PDK2: variants seen among roughly 807,000 people sequenced by gnomAD.
The protein encoded by PDK2 is pyruvate dehydrogenase kinase 2.
PDK2 carries 34 observed loss-of-function variants against 50.4 expected under a neutral mutation model. That is an observed-to-expected ratio of 0.68 (90% CI 0.51 to 0.90). PDK2 has a LOEUF of 0.90. PDK2 is among the 40% of genes least tolerant of loss of function. The probability of loss-of-function intolerance (pLI) is 0.00; values close to 1 mark genes in which losing one functional copy is unlikely to be tolerated. For missense variants in PDK2, 377 were observed against 544.5 expected, an observed-to-expected ratio of 0.69 and a Z score of 3.06; for synonymous variants, 232 against 216.0, an observed-to-expected ratio of 1.07 and a Z score of -0.65.
intron 4 of PDK2, 190 bp downstream of exon 4, chr17:50,106,259 T>C: frequency 7.1e-7 from 1 of 1,403,626 alleles, no homozygotes; most frequent in South Asian, 1.6e-5. Context: ...CTCATTGATT[T>C]TCCATTTCAA....
rs144493498 is a variant in PDK2 at position 50,097,720 on chromosome 17, G to A, written c.260+156G>A. The A allele has an allele frequency of 1.2e-3, 901 of 771,234 alleles. 1 individual carries two copies. The highest frequency in any genetic ancestry group is 1.8e-3 in the Admixed American group (68 of 37,250). 47.8% of individuals were successfully genotyped at this position (771,234 alleles called of 1,614,324 possible). On this transcript the variant is annotated intron_variant, in intron 2 of 10. Transcript: ENST00000503176. ...AGCGCTTGGAGTTGCCTAGGGTCACGTGGGAATCTGAGGCCAGAGCAGGAC... is the reference window on the plus strand; with the variant it reads ...AGCGCTTGGAGTTGCCTAGGGTCACATGGGAATCTGAGGCCAGAGCAGGAC...
upstream of PDK2, among the ~76,000 whole-genome samples, chr17:50,095,059 A>G (rs1345230309): frequency 6.6e-6 from 1 of 152,246 alleles, no homozygotes; most frequent in Non-Finnish European, 1.5e-5. Context: ...AGAGGAAGCG[A>G]AAGGGCTGGC....
intron 3 of PDK2, 79 bp from the exon 4 acceptor site, chr17:50,105,806 G>A: frequency 1.3e-6 from 2 of 1,530,254 alleles, no homozygotes; most frequent in South Asian, 1.3e-5. Context: ...TAGAGCGGGT[G>A]AAGACACCGT....
At chr17:50,097,672 A>G in intron 2 of PDK2, 108 bp downstream of exon 2, 1 of 1,320,716 alleles carries the variant, frequency 7.6e-7, no homozygotes, top group East Asian at 2.4e-5. Context: ...GGGTGGGGAC[A>G]GACAGGAGAC....
At chr17:50,105,782 C>T (rs1910475752) in intron 3 of PDK2, 103 bp from the exon 4 acceptor site, 13 of 1,442,876 alleles carry the variant, frequency 9.0e-6, no homozygotes, top group East Asian at 4.9e-5. Context: ...GGGAGTCCAT[C>T]GGATTGGGAA....
chr17:50,102,259 T>C (rs1165980773), intron 2 of PDK2, among the ~76,000 whole-genome samples: 1 of 152,196 alleles, frequency 6.6e-6, no homozygotes, highest in Admixed American at 6.5e-5. Flanking sequence ...GGAGGAGCCC[T>C]GGCCCTGTGA....
intron 1 of PDK2, 177 bp downstream of exon 1, chr17:50,095,730 C>T: frequency 1.4e-6 from 2 of 1,421,404 alleles, no homozygotes; most frequent in Non-Finnish European, 1.8e-6. Context: ...GGCCTCTCGA[C>T]GGGGCTGCTG....
chr17:50,105,223 A>C, intron 2 of PDK2, 148 bp from the exon 3 acceptor site: 2 of 507,178 alleles, frequency 3.9e-6, no homozygotes, highest in East Asian at 6.8e-5. Context: ...AATGAAATGG[A>C]TGGAGAAAAA....
chr17:50,110,204 G>C lies in PDK2; in HGVS notation c.*107G>C. On this transcript the variant is annotated 3_prime_UTR_variant, in exon 11 of 11. Coordinates refer to ENST00000503176, the MANE Select transcript of PDK2 (RefSeq NM_002611.5). ...GGGGAGCAGGGGGTGGGTTCTCCCT[G>C]ATGACCAGGTTCTGTCTCTATGGAA... 2 of 1,249,120 alleles carry C rather than the reference G, an allele frequency of 1.6e-6. No individual in the cohort carries two copies. The highest frequency in any genetic ancestry group is 2.5e-5 in the Admixed American group (1 of 40,296). The allele number at this position is 1,249,120 out of a possible 1,614,324, so 77.4% of individuals were successfully genotyped here. A position where few individuals can be genotyped will look rare whatever the true frequency, so the allele number is the denominator to read the frequency against.
Position 50,109,216 on chromosome 17 carries a change from C to A in PDK2, c.970-71C>A. The stretch of plus-strand genomic sequence containing the variant: ...CCAGCTCCACACCCTTCCCTCCCTG[C>A]ATCAGTCCCTGCAGCTCCAGGAGGC... On this transcript the variant is annotated intron_variant, in intron 9 of 10. Transcript: ENST00000503176. This position sits in a 1 kb window ranked among gnomAD's most constrained non-coding sequence, Gnocchi z 5.0. The A allele has an allele frequency of 7.7e-6, 7 of 911,470 alleles. No homozygotes were observed. The highest frequency in any genetic ancestry group is 1.2e-5 in the Non-Finnish European group (7 of 573,336). 56.5% of individuals were successfully genotyped at this position (911,470 alleles called of 1,614,324 possible).
chr17:50,105,234 T>C (rs918289927), intron 2 of PDK2, 137 bp from the exon 3 acceptor site: 67 of 502,892 alleles, frequency 1.3e-4, no homozygotes, highest in Middle Eastern at 1.0e-3. Flanking sequence ...TGGAGAAAAA[T>C]AGTGAGGCGG....
At chr17:50,107,601 G>A (rs1910582322) in intron 6 of PDK2, among the ~76,000 whole-genome samples, 1 of 152,148 alleles carries the variant, frequency 6.6e-6, no homozygotes, top group African/African-American at 2.4e-5. Flanking sequence ...GAAATTGAGT[G>A]AATGAATGAA....
At chr17:50,106,628 G>A (rs1910530673) in intron 4 of PDK2, 166 bp from the exon 5 acceptor site, 2 of 646,018 alleles carry the variant, frequency 3.1e-6, no homozygotes, top group Non-Finnish European at 2.7e-6. Context: ...GGAGGGGTCA[G>A]GGGTCAGGGA....
Position 50,109,900 on chromosome 17 carries a change from G to C in PDK2, c.1084-57G>C. The C allele has an allele frequency of 6.9e-7, 1 of 1,449,918 alleles. No homozygotes were observed. Among genetic ancestry groups the C allele is most frequent in the Non-Finnish European group, 9.2e-7 (1 of 1,088,822 alleles). The allele number at this position is 1,449,918 out of a possible 1,614,324, so 89.8% of individuals were successfully genotyped here. A position where few individuals can be genotyped will look rare whatever the true frequency, so the allele number is the denominator to read the frequency against. The stretch of plus-strand genomic sequence containing the variant: ...CCGCTGAGCTGGGGTGGGGTGGTCT[G>C]CTGAGGAGTGGACAAGGCACAGGGA... On this transcript the variant is annotated intron_variant, in intron 10 of 10. Transcript: ENST00000503176. This position sits in a 1 kb window ranked among gnomAD's most constrained non-coding sequence, Gnocchi z 5.0.
rs1910686861 is a variant in PDK2 at position 50,109,179 on chromosome 17, T to G, written c.970-108T>G. The G allele has an allele frequency of 1.5e-6, 1 of 648,482 alleles. No individual in the cohort carries two copies. Among genetic ancestry groups the G allele is most frequent in the African/African-American group, 1.8e-5 (1 of 54,732 alleles). 40.2% of individuals were successfully genotyped at this position (648,482 alleles called of 1,614,324 possible). On this transcript the variant is annotated intron_variant, in intron 9 of 10. Coordinates refer to ENST00000503176, the MANE Select transcript of PDK2 (RefSeq NM_002611.5). This position sits in a 1 kb window ranked among gnomAD's most constrained non-coding sequence, Gnocchi z 5.0. ...TGTCCCCTCCCAGCTCTGGGACCCC[T>G]GCCATGTGACCCCAGCTCCACACCC...
intron 2 of PDK2, chr17:50,098,610 G>A (rs1320404431): frequency 1.3e-5 from 2 of 152,162 alleles, no homozygotes; most frequent in Non-Finnish European, 2.9e-5. Context: ...AGAAGAAAAT[G>A]CCAACCACTC....
Position 50,109,846 on chromosome 17 carries a change from C to A in PDK2, c.1084-111C>A. The A allele has an allele frequency of 8.0e-7, 1 of 1,251,260 alleles. No homozygotes were observed. The highest frequency in any genetic ancestry group is 1.1e-6 in the Non-Finnish European group (1 of 931,486). The allele number at this position is 1,251,260 out of a possible 1,614,324, so 77.5% of individuals were successfully genotyped here. A position where few individuals can be genotyped will look rare whatever the true frequency, so the allele number is the denominator to read the frequency against. On this transcript the variant is annotated intron_variant, in intron 10 of 10. Transcript: ENST00000503176. The surrounding 1 kb of genome is among the most constrained non-coding windows in gnomAD (Gnocchi z 5.0). ...GAGGGACCACCCTTTTGTGGTCTTT[C>A]CAGGCCCCCGTGTCTGGCAGCTGGG...
chr17:50,096,414 C>A, intron 1 of PDK2: 1 of 542,314 alleles, frequency 1.8e-6, no homozygotes, highest in Non-Finnish European at 2.4e-6. Context: ...ATGGTGCCAG[C>A]TGGGGACTGG....
At chr17:50,107,697 A>T (rs1465799764) in intron 6 of PDK2, among the ~76,000 whole-genome samples, 1 of 152,232 alleles carries the variant, frequency 6.6e-6, no homozygotes, top group Non-Finnish European at 1.5e-5. Flanking sequence ...TGGAGCCTTC[A>T]GCCAATTAAC....
Sources: allele counts gnomAD v4.1 joint callset (sites outside exome capture counted in the v4.1 genomes callset), GRCh38; gene constraint gnomAD v4.1.1; non-coding constraint Gnocchi (gnomAD v3.1); transcripts MANE v1.5; gene names NCBI Gene and HGNC (gene_info 2026-07-23, HGNC 2026-07-21).